Variants in SLC35F1 observed in about 807,000 individuals in gnomAD.
SLC35F1 encodes solute carrier family 35 member F1, also known as chromosome 6 open reading frame 169.
In SLC35F1, 14 loss-of-function variants were observed where a neutral mutation model predicts 48.7. The ratio of observed to expected loss-of-function variants is 0.29; its 90% CI spans 0.19 to 0.45. The LOEUF is 0.45. SLC35F1 is among the 20% of genes least tolerant of loss of function. The probability of loss-of-function intolerance (pLI) is 1.00; values close to 1 mark genes in which losing one functional copy is unlikely to be tolerated. For missense variants in SLC35F1, 404 were observed against 500.0 expected (o/e 0.81, Z 1.83); for synonymous variants, 190 against 202.2 (o/e 0.94, Z 0.51).
At chr6:118,032,355 TTTAG>T (rs760860185) in intron 1 of SLC35F1, among the ~76,000 whole-genome samples, 1 of 152,146 alleles carries the variant, frequency 6.6e-6, no homozygotes, top group East Asian at 1.9e-4. Context: ...TTTTTATTAA[TTTAG>T]TTAGTGTATT....
At chr6:118,124,107 A>G (rs1773591029) in intron 1 of SLC35F1, among the ~76,000 whole-genome samples, 1 of 152,116 alleles carries the variant, frequency 6.6e-6, no homozygotes, top group Non-Finnish European at 1.5e-5. Context: ...AAGATGAAGA[A>G]CTCTGGGAGA....
At chr6:118,188,972 T>C (rs1051068896) in intron 2 of SLC35F1, among the ~76,000 whole-genome samples, 1 of 152,184 alleles carries the variant, frequency 6.6e-6, no homozygotes, top group Admixed American at 6.5e-5. Context: ...AGTGCAGTGG[T>C]GCAGTCATGG....
chr6:118,145,358 G>A (rs993034519), intron 1 of SLC35F1, among the ~76,000 whole-genome samples: 1 of 152,174 alleles, frequency 6.6e-6, no homozygotes, highest in Non-Finnish European at 1.5e-5. Flanking sequence ...CTGGTTAAAG[G>A]ATTTTGCAGT....
chr6:118,236,459 T>G (rs1251096689), intron 3 of SLC35F1, among the ~76,000 whole-genome samples: 1 of 152,246 alleles, frequency 6.6e-6, no homozygotes, highest in Non-Finnish European at 1.5e-5. Flanking sequence ...TAGTTTAGCT[T>G]TGATACTTCC....
At chr6:118,173,753 T>C (rs1237468992) in intron 2 of SLC35F1, among the ~76,000 whole-genome samples, 4 of 152,092 alleles carry the variant, frequency 2.6e-5, no homozygotes, top group Non-Finnish European at 4.4e-5. Flanking sequence ...TTTTGAGACA[T>C]TTCAGGCAGA....
At position 117,990,834 on chromosome 6, in the gene SLC35F1, C is replaced by T. The variant is rs763168669; in HGVS notation, c.173+82935C>T. ...CAGACTCAGCTGGGGTGGCTGGTTT[C>T]TCTGTATTAGCTGCAGTTGGAGTGT... is the stretch of plus-strand genomic sequence containing the variant. On this transcript the variant is annotated intron_variant, in intron 1 of 7. Transcript: ENST00000360388. 1.7e-4 allele frequency among the ~76,000 whole-genome samples: 26 copies of T among 152,154 alleles called. 1 individual carries two copies. Among genetic ancestry groups the T allele is most frequent in the Non-Finnish European group, 2.9e-4 (20 of 68,032 alleles).
Position 118,206,944 on chromosome 6 carries a change from T to C in SLC35F1, c.350-28565T>C, listed in dbSNP as rs1488925234. The stretch of plus-strand genomic sequence containing the variant: ...TCTGAACAACTGAATTGTCTTAGTG[T>C]TTAAAAAAAAATAAAAACAACTTTG... On this transcript the variant is annotated intron_variant, in intron 2 of 7. Coordinates refer to ENST00000360388, the MANE Select transcript of SLC35F1 (RefSeq NM_001029858.4). Among the ~76,000 whole-genome samples the C allele has an allele frequency of 5.9e-5, 9 of 151,844 alleles. No individual in the cohort carries two copies. The East Asian group carries it at 1.7e-3, about 29-fold the overall frequency.
At chr6:117,923,848 G>GTATATATACATATA (rs1775978587) in intron 1 of SLC35F1, among the ~76,000 whole-genome samples, 15 of 93,138 alleles carry the variant, frequency 1.6e-4, no homozygotes, top group African/African-American at 7.6e-4. Context: ...TTACATATAT[G>GTATATATACATATA]CACATATATA....
At chr6:117,987,187 C>T (rs1464152096) in intron 1 of SLC35F1, among the ~76,000 whole-genome samples, 1 of 152,162 alleles carries the variant, frequency 6.6e-6, no homozygotes, top group Non-Finnish European at 1.5e-5. Context: ...GCCCTATCCA[C>T]TCATCTCTTT....
chr6:118,189,992 A>G (rs1774710102), intron 2 of SLC35F1, among the ~76,000 whole-genome samples: 1 of 152,198 alleles, frequency 6.6e-6, no homozygotes, highest in Admixed American at 6.5e-5. Flanking sequence ...TAAGTTTTCA[A>G]TCTTGTCTAC....
chr6:118,238,866 A>G (rs1019341150), intron 3 of SLC35F1, among the ~76,000 whole-genome samples: 5 of 152,166 alleles, frequency 3.3e-5, no homozygotes, highest in African/African-American at 9.7e-5. Context: ...ACATTTCTCA[A>G]TAGAAGTACT....
At chr6:118,134,426 A>C (rs1220221360) in intron 1 of SLC35F1, among the ~76,000 whole-genome samples, 1 of 152,242 alleles carries the variant, frequency 6.6e-6, no homozygotes. Context: ...GCTCTGATTC[A>C]GCACTCCAGG....
chr6:118,071,751 AT>A (rs1362217909), intron 1 of SLC35F1, among the ~76,000 whole-genome samples: 1 of 152,116 alleles, frequency 6.6e-6, no homozygotes, highest in Non-Finnish European at 1.5e-5. Flanking sequence ...GAGCGTCTCC[AT>A]TGTCTTTTAA....
intron 1 of SLC35F1, among the ~76,000 whole-genome samples, chr6:117,959,699 C>A (rs945583187): frequency 2.0e-5 from 3 of 152,066 alleles, no homozygotes; most frequent in African/African-American, 7.2e-5. Flanking sequence ...GAAATTCCTC[C>A]CCTCTATGTA....
intron 1 of SLC35F1, among the ~76,000 whole-genome samples, chr6:118,075,665 T>A (rs1473728490): frequency 1.3e-5 from 2 of 152,252 alleles, no homozygotes; most frequent in Non-Finnish European, 2.9e-5. Flanking sequence ...ATCATTGCTT[T>A]ATTTCTGGAA....
intron 2 of SLC35F1, among the ~76,000 whole-genome samples, chr6:118,177,319 C>A (rs150610672): frequency 1.8e-4 from 28 of 152,080 alleles, no homozygotes; most frequent in Non-Finnish European, 3.1e-4. Flanking sequence ...TTCATCTTTT[C>A]TGAGCAAGCC....
intron 1 of SLC35F1, among the ~76,000 whole-genome samples, chr6:118,067,764 A>G (rs1772638402): frequency 6.6e-6 from 1 of 152,204 alleles, no homozygotes; most frequent in Non-Finnish European, 1.5e-5. Flanking sequence ...GAGGCAGGAA[A>G]GTATTGTGCA....
At chr6:118,045,681 C>T (rs1024264677) in intron 1 of SLC35F1, among the ~76,000 whole-genome samples, 1 of 152,094 alleles carries the variant, frequency 6.6e-6, no homozygotes, top group Non-Finnish European at 1.5e-5. Context: ...ATGGAAGGGA[C>T]AGTATCAAAA....
chr6:118,136,507 C>T (rs1019784937), intron 1 of SLC35F1, among the ~76,000 whole-genome samples: 6 of 152,044 alleles, frequency 3.9e-5, no homozygotes, highest in African/African-American at 4.8e-5. Context: ...AGTTGAGTCA[C>T]GTTATTTGTA....
Sources: allele counts gnomAD v4.1 joint callset (sites outside exome capture counted in the v4.1 genomes callset), GRCh38; gene constraint gnomAD v4.1.1; transcripts MANE v1.5; gene names NCBI Gene and HGNC (gene_info 2026-07-23, HGNC 2026-07-21).